The following ZEB2 variants were observed in gnomAD, a reference collection of about 807,000 sequenced individuals.
ZEB2 encodes the protein zinc finger E-box-binding homeobox 2.
A neutral mutation model predicts 99.9 loss-of-function variants in ZEB2; 6 were observed. The observed-to-expected ratio is 0.06, with a 90% CI of 0.03 to 0.12. The LOEUF (loss-of-function observed/expected upper bound fraction) is 0.12. ZEB2 is among the 10% of genes least tolerant of loss of function. ZEB2 has a pLI of 1.00. For missense variants in ZEB2, 969 were observed against 1,502.8 expected, an observed-to-expected ratio of 0.64 and a Z score of 5.87; for synonymous variants, 517 against 542.5, an observed-to-expected ratio of 0.95 and a Z score of 0.65.
At chr2:144,421,608 C>G (rs1573736883) in intron 4 of ZEB2, among the ~76,000 whole-genome samples, 1 of 150,462 alleles carries the variant, frequency 6.6e-6, no homozygotes, top group East Asian at 1.9e-4. Flanking sequence ...TTACGAAATT[C>G]TCTTTCTTTG....
At chr2:144,435,035 G>A (rs1560623032) in intron 2 of ZEB2, among the ~76,000 whole-genome samples, 1 of 152,192 alleles carries the variant, frequency 6.6e-6, no homozygotes, top group Non-Finnish European at 1.5e-5. Context: ...GCAAGGTGAT[G>A]TAACTGGTAT....
Position 144,399,570 on chromosome 2 carries a change from G to A in ZEB2, c.1617C>T (p.Cys539=). 1 of 1,614,124 alleles carries A rather than the reference G, an allele frequency of 6.2e-7. No individual in the cohort carries two copies. The highest frequency in any genetic ancestry group is 8.5e-7 in the Non-Finnish European group (1 of 1,180,022). Residue 539 remains cysteine, a synonymous_variant, in exon 8 of 10, where the codon TGC becomes TGT. Transcript: ENST00000627532. The surrounding 1 kb of genome is among the most constrained non-coding windows in gnomAD (Gnocchi z 5.6). The part of the protein sequence containing the change: ...TLEKVNEAKA[C]LQSLTTDSRR... ...TTGAGTCAGTAGTCAAGCTCTGGAGGCAAGCTTTGGCTTCATTGACTTTTT... is the reference window on the plus strand; with the variant it reads ...TTGAGTCAGTAGTCAAGCTCTGGAGACAAGCTTTGGCTTCATTGACTTTTT...
chr2:144,411,655 A>G (rs1169356846), intron 4 of ZEB2, among the ~76,000 whole-genome samples: 1 of 152,172 alleles, frequency 6.6e-6, no homozygotes, highest in African/African-American at 2.4e-5. Flanking sequence ...AGAGCAACAG[A>G]AAAGTTTTCT....
intron 2 of ZEB2, among the ~76,000 whole-genome samples, chr2:144,485,701 C>A (rs547743375): frequency 6.6e-6 from 1 of 152,232 alleles, no homozygotes; most frequent in African/African-American, 2.4e-5. Context: ...CTCACTGCAA[C>A]CTTCGCCTCT....
intron 2 of ZEB2, among the ~76,000 whole-genome samples, chr2:144,472,945 T>C (rs1400789963): frequency 2.0e-5 from 3 of 152,064 alleles, no homozygotes; most frequent in Non-Finnish European, 1.5e-5. Flanking sequence ...GCAGTCTCAA[T>C]GGAGCTCAGA....
At chr2:144,517,740 G>A in intron 1 of ZEB2, 2 of 699,366 alleles carry the variant, frequency 2.9e-6, no homozygotes, top group South Asian at 1.5e-5. Context: ...TCAGGGCTAG[G>A]CGGACCCTTT....
intron 2 of ZEB2, among the ~76,000 whole-genome samples, chr2:144,434,262 A>C (rs181574910): frequency 2.0e-5 from 3 of 152,324 alleles, no homozygotes; most frequent in Admixed American, 2.0e-4. Flanking sequence ...CGTGCCAATA[A>C]ATCGTTCAAT....
At chr2:144,405,885 T>C (rs1209071839) in intron 4 of ZEB2, among the ~76,000 whole-genome samples, 1 of 152,222 alleles carries the variant, frequency 6.6e-6, no homozygotes, top group Non-Finnish European at 1.5e-5. Context: ...TCTAGATGTG[T>C]TTCTGAAATA....
chr2:144,415,317 G>T (rs1311590881), intron 4 of ZEB2, among the ~76,000 whole-genome samples: 1 of 152,052 alleles, frequency 6.6e-6, no homozygotes, highest in Non-Finnish European at 1.5e-5. Context: ...AAAATAGCAG[G>T]TATTAGTTAT....
intron 3 of ZEB2, chr2:144,429,208 A>G (rs1417542001): frequency 6.3e-6 from 1 of 157,894 alleles, no homozygotes; most frequent in African/African-American, 2.4e-5. Flanking sequence ...ATTATCAAGT[A>G]CTTAGCTGAT....
intron 2 of ZEB2, among the ~76,000 whole-genome samples, chr2:144,505,018 T>C (rs1208582528): frequency 2.0e-5 from 3 of 151,990 alleles, no homozygotes; most frequent in Non-Finnish European, 4.4e-5. Flanking sequence ...AAAAATATAA[T>C]GGTTTATCTA....
At position 144,389,809 on chromosome 2, in the gene ZEB2, C is replaced by T. The variant is rs762526905; in HGVS notation, c.3287G>A (p.Arg1096His). The T allele has an allele frequency of 1.9e-6, 3 of 1,611,922 alleles. No individual in the cohort carries two copies. Among genetic ancestry groups the T allele is most frequent in the Non-Finnish European group, 2.5e-6 (3 of 1,178,630 alleles). ...GGTGGGTTCCAAGTGCCCTTTCTCGCGCGCCTCGCGCTCCGCCGCTTCCCG... is the reference window on the plus strand; with the variant it reads ...GGTGGGTTCCAAGTGCCCTTTCTCGTGCGCCTCGCGCTCCGCCGCTTCCCG... ...EEREAAEREA[R>H]EKGHLEPTEL... The change falls in exon 10 of 10, where the codon CGC becomes CAC. Residue 1096 changes from arginine to histidine, a missense_variant. This residue lies in a region of ZEB2 where 121 missense variants were observed against 166.4 expected (regional missense o/e 0.73). Transcript: ENST00000627532. The surrounding 1 kb of genome is among the most constrained non-coding windows in gnomAD (Gnocchi z 6.8).
At chr2:144,390,098 C>G in intron 9 of ZEB2, 70 bp from the exon 10 acceptor site, 1 of 1,519,100 alleles carries the variant, frequency 6.6e-7, no homozygotes, top group Non-Finnish European at 9.0e-7. Flanking sequence ...TAATTCTGTA[C>G]GCGAGTCCAG....
At chr2:144,390,328 A>C (rs1703139964) in intron 9 of ZEB2, among the ~76,000 whole-genome samples, 1 of 152,198 alleles carries the variant, frequency 6.6e-6, no homozygotes, top group South Asian at 2.1e-4. Flanking sequence ...AACTTGGAAA[A>C]ATGTTCTATT....
At chr2:144,491,431 A>G (rs1377010275) in intron 2 of ZEB2, among the ~76,000 whole-genome samples, 5 of 151,528 alleles carry the variant, frequency 3.3e-5, no homozygotes, top group Admixed American at 2.6e-4. Context: ...ACAGTTTGTC[A>G]TGTTTTTATA....
intron 2 of ZEB2, among the ~76,000 whole-genome samples, chr2:144,441,619 CTT>C (rs1703919340): frequency 6.6e-6 from 1 of 151,294 alleles, no homozygotes; most frequent in African/African-American, 2.4e-5. Context: ...AGAGACCACT[CTT>C]TTACTGTAAA....
intron 6 of ZEB2, among the ~76,000 whole-genome samples, chr2:144,401,978 C>A (rs574882663): frequency 7.9e-5 from 12 of 152,150 alleles, no homozygotes; most frequent in Admixed American, 5.9e-4. Flanking sequence ...CATTATCAAA[C>A]GTAAGAGACA....
intron 2 of ZEB2, among the ~76,000 whole-genome samples, chr2:144,456,898 T>G (rs2149902359): frequency 6.6e-6 from 1 of 152,202 alleles, no homozygotes; most frequent in Non-Finnish European, 1.5e-5. Context: ...CTGCTGTAGT[T>G]AGAAAGAAGT....
At chr2:144,425,420 CT>C (rs1703679450) in intron 3 of ZEB2, among the ~76,000 whole-genome samples, 1 of 152,180 alleles carries the variant, frequency 6.6e-6, no homozygotes, top group Non-Finnish European at 1.5e-5. Flanking sequence ...ACAACAATAC[CT>C]GTTTCACTGC....
Sources: gnomAD v4.1 joint callset for allele counts (sites outside exome capture counted in the v4.1 genomes callset) on GRCh38, gnomAD v4.1.1 for gene constraint, gnomAD v4.1.1 regional missense constraint, Gnocchi (gnomAD v3.1) non-coding constraint, MANE v1.5 for transcripts, NCBI Gene and HGNC (gene_info 2026-07-23, HGNC 2026-07-21) for gene names.